Variants in EXD2 observed in about 807,000 individuals in gnomAD.
EXD2 encodes exonuclease 3'-5' domain-containing protein 2.
Under a neutral mutation model 62.5 loss-of-function variants are expected in EXD2, and 40 were observed. The ratio of observed to expected loss-of-function variants is 0.64; its 90% CI spans 0.50 to 0.83. The LOEUF (loss-of-function observed/expected upper bound fraction) is 0.83. Ranked by LOEUF, EXD2 falls within the 40% of genes least tolerant of loss-of-function variation. The pLI is 0.00. For synonymous variants in EXD2, 239 were observed against 291.9 expected, an observed-to-expected ratio of 0.82 and a Z score of 1.85; for missense variants, 671 against 761.8, an observed-to-expected ratio of 0.88 and a Z score of 1.40.
intron 3 of EXD2, among the ~76,000 whole-genome samples, chr14:69,212,518 G>GT (rs869028588): frequency 0.013 from 1,788 of 141,108 alleles, 26 homozygotes; most frequent in African/African-American, 0.035. Flanking sequence ...CTTCTTTATT[G>GT]TTTTTTTTTT....
chr14:69,218,609 A>G (rs546039056), intron 3 of EXD2, among the ~76,000 whole-genome samples: 10 of 152,252 alleles, frequency 6.6e-5, no homozygotes, highest in South Asian at 4.1e-4. Flanking sequence ...GCCCATGCCT[A>G]TGTCCTGGCA....
intron 1 of EXD2, among the ~76,000 whole-genome samples, chr14:69,197,621 C>A (rs1193434496): frequency 6.6e-6 from 1 of 151,910 alleles, no homozygotes; most frequent in African/African-American, 2.4e-5. Flanking sequence ...TCTGTTGTTC[C>A]CGTCTTTATG....
Position 69,234,970 on chromosome 14 carries a change from C to T in EXD2, c.988C>T (p.His330Tyr), listed in dbSNP as rs368212336. The T allele has an allele frequency of 6.2e-7, 1 of 1,612,922 alleles. No individual in the cohort carries two copies. Among genetic ancestry groups the T allele is most frequent in the African/African-American group, 1.3e-5 (1 of 74,900 alleles). The change falls in exon 6 of 10, where the codon CAC becomes TAC. Residue 330 changes from histidine (H) to tyrosine (Y), a missense_variant. His to Tyr is a moderately conservative substitution (Grantham distance 83, BLOSUM62 2). Coordinates refer to ENST00000685843, the MANE Select transcript of EXD2 (RefSeq NM_001193360.2). Reference protein sequence around the residue: ...SKMDGMVPGNHQGRDPRKHKR... With the variant: ...SKMDGMVPGNYQGRDPRKHKR... ...GATGGATGGGATGGTGCCAGGCAAC[C>T]ACCAAGGGAGAGACCCCAGAAAACA...
intron 5 of EXD2, among the ~76,000 whole-genome samples, chr14:69,233,402 T>G (rs1030699207): frequency 4.0e-5 from 6 of 149,566 alleles, no homozygotes; most frequent in Non-Finnish European, 7.4e-5. Context: ...AAAATTTTAG[T>G]TTTTTTTTTA....
At chr14:69,212,443 A>G (rs2042839573) in intron 3 of EXD2, among the ~76,000 whole-genome samples, 1 of 151,964 alleles carries the variant, frequency 6.6e-6, no homozygotes, top group Admixed American at 6.6e-5. Context: ...TTATTCCTCC[A>G]TTCCTGTTTT....
chr14:69,218,776 A>G (rs2043070072), intron 3 of EXD2, among the ~76,000 whole-genome samples: 1 of 151,968 alleles, frequency 6.6e-6, no homozygotes, highest in African/African-American at 2.4e-5. Flanking sequence ...TCCTTTCCCC[A>G]TTTCTTGTTT....
chr14:69,195,455 C>T (rs2140177807), intron 1 of EXD2, among the ~76,000 whole-genome samples: 1 of 152,284 alleles, frequency 6.6e-6, no homozygotes, highest in East Asian at 1.9e-4. Context: ...CCTTGGCCTT[C>T]CAAAATGCTG....
rs1286014508 is a variant in EXD2 at position 69,193,208 on chromosome 14, G to A, written c.-132+1617G>A. Among the ~76,000 whole-genome samples, 10 of 152,032 alleles carry A rather than the reference G, an allele frequency of 6.6e-5. No homozygotes were observed. In the East Asian group the frequency reaches 1.7e-3, roughly 26 times the overall value. The stretch of plus-strand genomic sequence containing the variant: ...CGAGTAGCTGGTATTACAGGCACCC[G>A]CTACCACGCCTGGCTAATTTTTGTA... On this transcript the variant is annotated intron_variant, in intron 1 of 9. Coordinates refer to ENST00000685843, the MANE Select transcript of EXD2 (RefSeq NM_001193360.2).
At chr14:69,231,909 T>TAAAAAAAA (rs747438242) in intron 5 of EXD2, among the ~76,000 whole-genome samples, 1 of 60,626 alleles carries the variant, frequency 1.6e-5, no homozygotes. Context: ...GCATGAGCAG[T>TAAAAAAAA]AAAAAAAAAA....
chr14:69,226,693 A>G (rs757835183), intron 3 of EXD2, among the ~76,000 whole-genome samples: 11 of 151,938 alleles, frequency 7.2e-5, no homozygotes, highest in Non-Finnish European at 1.0e-4. Flanking sequence ...GGTTGCAGTG[A>G]GCTGAGATTG....
intron 2 of EXD2, among the ~76,000 whole-genome samples, chr14:69,207,445 G>T (rs1436069601): frequency 6.6e-6 from 1 of 152,110 alleles, no homozygotes; most frequent in Non-Finnish European, 1.5e-5. Flanking sequence ...AGTGAGCCGA[G>T]ATCATGCCAC....
intron 5 of EXD2, among the ~76,000 whole-genome samples, chr14:69,233,699 C>T (rs1197842525): frequency 4.6e-5 from 7 of 152,004 alleles, no homozygotes; most frequent in Non-Finnish European, 7.4e-5. Context: ...CCTCAGCCTC[C>T]CAAAGTGTTG....
At chr14:69,221,605 A>G (rs1017813037) in intron 3 of EXD2, among the ~76,000 whole-genome samples, 4 of 151,862 alleles carry the variant, frequency 2.6e-5, no homozygotes, top group Non-Finnish European at 4.4e-5. Flanking sequence ...TGTCTTTACA[A>G]AAAAATTAAA....
Position 69,194,513 on chromosome 14 carries a change from T to C in EXD2, c.-132+2922T>C, listed in dbSNP as rs540906136. ...ACTAATTTCTTTTTTTTCTTTTTAA[T>C]TTTTATTTGTAGAGATAGAGATGAG... On this transcript the variant is annotated intron_variant, in intron 1 of 9. Transcript: ENST00000685843. Among the ~76,000 whole-genome samples the C allele has an allele frequency of 6.5e-4, 99 of 152,200 alleles. No individual in the cohort carries two copies. The South Asian group carries it at 0.02, about 31-fold the overall frequency.
chr14:69,201,600 G>C (rs1399384027), intron 1 of EXD2, among the ~76,000 whole-genome samples: 1 of 150,644 alleles, frequency 6.6e-6, no homozygotes, highest in Non-Finnish European at 1.5e-5. Flanking sequence ...TCTGGCTCCT[G>C]CACCTGGAGA....
intron 8 of EXD2, among the ~76,000 whole-genome samples, chr14:69,237,360 C>A (rs1265503153): frequency 6.6e-6 from 1 of 152,160 alleles, no homozygotes. Context: ...AGCAGGTGGT[C>A]TGTACTTACT....
At chr14:69,238,280 T>C (rs982920212) in intron 9 of EXD2, among the ~76,000 whole-genome samples, 12 of 152,160 alleles carry the variant, frequency 7.9e-5, no homozygotes, top group African/African-American at 2.9e-4. Flanking sequence ...GCACATGAGA[T>C]GAAATAATAG....
chr14:69,200,131 T>C (rs927030139), intron 1 of EXD2, among the ~76,000 whole-genome samples: 1 of 152,116 alleles, frequency 6.6e-6, no homozygotes. Flanking sequence ...CTATTGTATG[T>C]GTCATCTGTT....
chr14:69,217,099 C>CTAGA (rs2043011159), intron 3 of EXD2, among the ~76,000 whole-genome samples: 2 of 152,172 alleles, frequency 1.3e-5, no homozygotes, highest in African/African-American at 4.8e-5. Flanking sequence ...GTTACCCAGG[C>CTAGA]TAGAGTGCAG....
Sources: allele counts gnomAD v4.1 joint callset (sites outside exome capture counted in the v4.1 genomes callset), GRCh38; gene constraint gnomAD v4.1.1; transcripts MANE v1.5; gene names NCBI Gene and HGNC (gene_info 2026-07-23, HGNC 2026-07-21).